The following TYW1 variants were observed in gnomAD, a reference collection of about 807,000 sequenced individuals.
TYW1 encodes S-adenosyl-L-methionine-dependent tRNA 4-demethylwyosine synthase TYW1.
In TYW1, 46 loss-of-function variants were observed where a neutral mutation model predicts 96.2. The observed-to-expected ratio is 0.48, with a 90% CI of 0.38 to 0.61. The LOEUF is 0.61. TYW1 is among the 20% of genes least tolerant of loss of function. TYW1 has a pLI of 0.00. For synonymous variants in TYW1, 274 were observed against 323.0 expected (o/e 0.85, Z 1.63); for missense variants, 684 against 909.6 (o/e 0.75, Z 3.19).
intron 13 of TYW1, among the ~76,000 whole-genome samples, chr7:67,157,803 A>C (rs1046740781): frequency 5.9e-5 from 9 of 152,104 alleles, no homozygotes; most frequent in Non-Finnish European, 1.2e-4. Context: ...GGTATTTTGT[A>C]GAATGTCCCT....
At chr7:67,148,133 G>C (rs1798665470) in intron 13 of TYW1, among the ~76,000 whole-genome samples, 1 of 151,942 alleles carries the variant, frequency 6.6e-6, no homozygotes, top group African/African-American at 2.4e-5. Flanking sequence ...GCTTTGAGGG[G>C]AGGGTTATTG....
intron 9 of TYW1, among the ~76,000 whole-genome samples, chr7:67,057,476 T>G (rs535804862): frequency 1.3e-5 from 2 of 152,108 alleles, no homozygotes; most frequent in South Asian, 4.2e-4. Context: ...GATTATCATG[T>G]CTCAGTCTCC....
chr7:67,062,566 C>CAAAA (rs56770876), intron 9 of TYW1, among the ~76,000 whole-genome samples: 4 of 89,172 alleles, frequency 4.5e-5, no homozygotes, highest in African/African-American at 9.0e-5. Context: ...GACTCCGTCT[C>CAAAA]AAAAAAAAAA....
chr7:67,087,431 GAA>G (rs895966908), intron 11 of TYW1, among the ~76,000 whole-genome samples: 2 of 152,176 alleles, frequency 1.3e-5, no homozygotes, highest in African/African-American at 2.4e-5. Flanking sequence ...ATAGCAGAGA[GAA>G]AGAATAGAGC....
chr7:67,022,919 C>T (rs771101325), intron 6 of TYW1, among the ~76,000 whole-genome samples: 4 of 152,108 alleles, frequency 2.6e-5, no homozygotes, highest in Non-Finnish European at 4.4e-5. Flanking sequence ...TAAGATCGTC[C>T]GTGATAATCC....
At chr7:67,139,585 A>T (rs1209749829) in intron 13 of TYW1, among the ~76,000 whole-genome samples, 1 of 152,128 alleles carries the variant, frequency 6.6e-6, no homozygotes, top group Non-Finnish European at 1.5e-5. Flanking sequence ...GAACCCACAG[A>T]TATGAAAAGT....
At chr7:67,053,483 G>A (rs950450382) in intron 8 of TYW1, among the ~76,000 whole-genome samples, 2 of 151,242 alleles carry the variant, frequency 1.3e-5, no homozygotes, top group South Asian at 2.1e-4. Context: ...GAGTTCAAGC[G>A]ATTCTCCTGC....
At chr7:67,062,435 C>A (rs1044299863) in intron 9 of TYW1, among the ~76,000 whole-genome samples, 1 of 151,554 alleles carries the variant, frequency 6.6e-6, no homozygotes, top group Non-Finnish European at 1.5e-5. Flanking sequence ...TTGTTGAAGT[C>A]ATTTCCATAA....
intron 1 of TYW1, among the ~76,000 whole-genome samples, chr7:66,997,496 C>T (rs1793216015): frequency 1.3e-5 from 2 of 152,148 alleles, no homozygotes; most frequent in African/African-American, 4.8e-5. Flanking sequence ...CTTTGTGTTC[C>T]TTCTCTTGCT....
chr7:67,058,923 T>A (rs1440429324), intron 9 of TYW1, among the ~76,000 whole-genome samples: 3 of 152,122 alleles, frequency 2.0e-5, no homozygotes, highest in African/African-American at 7.2e-5. Flanking sequence ...AAGACTTTTG[T>A]CAACCTGAAT....
intron 9 of TYW1, among the ~76,000 whole-genome samples, chr7:67,065,115 T>C (rs1003359717): frequency 4.6e-5 from 7 of 152,208 alleles, no homozygotes; most frequent in Admixed American, 1.3e-4. Flanking sequence ...TCACTGGTCC[T>C]TTGGTGAAGC....
intron 15 of TYW1, among the ~76,000 whole-genome samples, chr7:67,227,719 A>C (rs1262443405): frequency 6.6e-6 from 1 of 152,026 alleles, no homozygotes; most frequent in Admixed American, 6.6e-5. Flanking sequence ...TTGGACACCA[A>C]GACTCAGGTG....
intron 13 of TYW1, among the ~76,000 whole-genome samples, chr7:67,129,846 T>C (rs1438328424): frequency 6.6e-6 from 1 of 152,242 alleles, no homozygotes; most frequent in Non-Finnish European, 1.5e-5. Context: ...TTTCTGGTTC[T>C]TTCCTAGCCC....
intron 9 of TYW1, among the ~76,000 whole-genome samples, chr7:67,056,206 T>C (rs1446024817): frequency 6.6e-6 from 1 of 152,186 alleles, no homozygotes; most frequent in African/African-American, 2.4e-5. Flanking sequence ...GAATTTCATA[T>C]GAGTGGCCAG....
chr7:67,064,780 A>G (rs1019328300), intron 9 of TYW1, among the ~76,000 whole-genome samples: 2 of 152,172 alleles, frequency 1.3e-5, no homozygotes, highest in South Asian at 2.1e-4. Context: ...CAGCCAAACC[A>G]TTTCAAGTTC....
At chr7:67,021,624 T>TTTTTTTTTTTTTTTTTTTTTTTTG (rs1794279258) in intron 6 of TYW1, among the ~76,000 whole-genome samples, 1 of 152,198 alleles carries the variant, frequency 6.6e-6, no homozygotes, top group African/African-American at 2.4e-5. Context: ...GTGTGTCTCT[T>TTTTTTTTTTTTTTTTTTTTTTTTG]ACTGGATTGG....
chr7:67,086,013 A>G (rs551994597), intron 11 of TYW1, among the ~76,000 whole-genome samples: 2 of 151,610 alleles, frequency 1.3e-5, no homozygotes, highest in East Asian at 3.9e-4. Context: ...TTTTTTCTTT[A>G]TGAATTTTCT....
chr7:67,010,536 C>A (rs978313883), intron 4 of TYW1, among the ~76,000 whole-genome samples: 1 of 149,816 alleles, frequency 6.7e-6, no homozygotes, highest in Non-Finnish European at 1.5e-5. Context: ...AGTGTAGTGG[C>A]GCGATCTCAG....
intron 15 of TYW1, among the ~76,000 whole-genome samples, chr7:67,220,265 G>A (rs1372862325): frequency 2.8e-4 from 40 of 141,924 alleles, no homozygotes; most frequent in Non-Finnish European, 4.1e-4. Flanking sequence ...GTGCAGTGGC[G>A]CGATCTCAGC....
Sources: allele counts gnomAD v4.1 joint callset (sites outside exome capture counted in the v4.1 genomes callset), GRCh38; gene constraint gnomAD v4.1.1; transcripts MANE v1.5; gene names NCBI Gene and HGNC (gene_info 2026-07-23, HGNC 2026-07-21).